The following VAV3 variants were observed in gnomAD, a reference collection of about 807,000 sequenced individuals.
The protein encoded by VAV3 is guanine nucleotide exchange factor VAV3.
VAV3 carries 94 observed loss-of-function variants against 131.2 expected under a neutral mutation model. That is an observed-to-expected ratio of 0.72 (90% CI 0.61 to 0.85). The LOEUF is 0.85. Ranked by LOEUF, VAV3 falls within the 40% of genes least tolerant of loss-of-function variation. The pLI, the probability that VAV3 is intolerant of heterozygous loss-of-function variation, is 0.00. For missense variants in VAV3, 939 were observed against 1,002.7 expected, an observed-to-expected ratio of 0.94 and a Z score of 0.86; for synonymous variants, 349 against 342.0, an observed-to-expected ratio of 1.02 and a Z score of -0.22.
intron 15 of VAV3, among the ~76,000 whole-genome samples, chr1:107,714,822 A>G (rs1405376741): frequency 6.6e-6 from 1 of 152,158 alleles, no homozygotes; most frequent in African/African-American, 2.4e-5. Flanking sequence ...AAATACTTTC[A>G]AAATACTGAT....
At chr1:107,789,193 C>T (rs1265562950) in intron 2 of VAV3, among the ~76,000 whole-genome samples, 1 of 152,200 alleles carries the variant, frequency 6.6e-6, no homozygotes, top group East Asian at 1.9e-4. Context: ...GAGCTGCCCA[C>T]AATCACACAG....
intron 20 of VAV3, among the ~76,000 whole-genome samples, chr1:107,621,571 G>T (rs1653609267): frequency 6.6e-6 from 1 of 152,060 alleles, no homozygotes. Context: ...CAATGATTTA[G>T]TGCACTTTAT....
At chr1:107,766,687 C>A in intron 7 of VAV3, 137 bp from the exon 8 acceptor site, 1 of 661,942 alleles carries the variant, frequency 1.5e-6, no homozygotes, top group East Asian at 2.8e-5. Context: ...CTGCTTCCAC[C>A]AATAAAGAGA....
chr1:107,752,658 C>T (rs1416123880), intron 12 of VAV3, among the ~76,000 whole-genome samples: 1 of 152,116 alleles, frequency 6.6e-6, no homozygotes, highest in East Asian at 1.9e-4. Flanking sequence ...AGGCATTTTT[C>T]CAAAGAGAAT....
At chr1:107,695,279 C>T (rs1032597792) in intron 17 of VAV3, among the ~76,000 whole-genome samples, 1 of 152,022 alleles carries the variant, frequency 6.6e-6, no homozygotes, top group African/African-American at 2.4e-5. Flanking sequence ...AGAATGAAAC[C>T]ATCAGACGGA....
intron 19 of VAV3, among the ~76,000 whole-genome samples, chr1:107,650,045 G>T (rs1656038290): frequency 6.6e-6 from 1 of 152,108 alleles, no homozygotes; most frequent in Admixed American, 6.6e-5. Flanking sequence ...GTTAAGACCT[G>T]AGGAGAAGAC....
At chr1:107,664,321 C>T (rs1657253178) in intron 19 of VAV3, among the ~76,000 whole-genome samples, 1 of 134,114 alleles carries the variant, frequency 7.5e-6, no homozygotes, top group African/African-American at 3.1e-5. Flanking sequence ...GCTTCCATTA[C>T]CTATTATTCC....
At chr1:107,735,224 T>C (rs1051365721) in intron 15 of VAV3, among the ~76,000 whole-genome samples, 9 of 152,154 alleles carry the variant, frequency 5.9e-5, no homozygotes, top group Non-Finnish European at 1.2e-4. Context: ...AGAGGGAAAT[T>C]TATAGCACTA....
chr1:107,833,436 T>C (rs1668342131), intron 2 of VAV3, among the ~76,000 whole-genome samples: 1 of 152,242 alleles, frequency 6.6e-6, no homozygotes, highest in Non-Finnish European at 1.5e-5. Flanking sequence ...GTCATCTTCA[T>C]AACATAATTT....
intron 10 of VAV3, among the ~76,000 whole-genome samples, 189 bp downstream of exon 10, chr1:107,760,595 G>A (rs1344750568): frequency 1.3e-5 from 2 of 152,158 alleles, no homozygotes; most frequent in East Asian, 3.8e-4. Context: ...GGCAGCTACT[G>A]ACCATCTCTG....
chr1:107,871,900 C>T (rs958649538), intron 2 of VAV3, among the ~76,000 whole-genome samples: 1 of 152,132 alleles, frequency 6.6e-6, no homozygotes, highest in African/African-American at 2.4e-5. Flanking sequence ...AATCACATGC[C>T]TATTTAGAGT....
intron 2 of VAV3, among the ~76,000 whole-genome samples, chr1:107,819,506 CAAAAAAAA>C (rs113258345): frequency 1.6e-5 from 2 of 122,770 alleles, no homozygotes; most frequent in East Asian, 4.5e-4. Flanking sequence ...GACTCTGTCT[CAAAAAAAA>C]AAAAAAATTC....
chr1:107,630,175 C>T (rs951782873), intron 20 of VAV3, among the ~76,000 whole-genome samples: 1 of 152,144 alleles, frequency 6.6e-6, no homozygotes, highest in Non-Finnish European at 1.5e-5. Flanking sequence ...AAACCAGGTG[C>T]ATTACCTATC....
rs554160534 is a variant in VAV3 at position 107,799,315 on chromosome 1, A to G, written c.322-19823T>C. Among the ~76,000 whole-genome samples the G allele has an allele frequency of 2.0e-5, 3 of 151,948 alleles. No homozygotes were observed. In the East Asian group the frequency reaches 5.8e-4, roughly 29 times the overall value. Reference sequence around the variant, plus strand: ...CTGTTTTTAGTGTTCACCTATCAAAAAAAAAAAAAAGACACCAGGTTCTAT... The same window carrying G: ...CTGTTTTTAGTGTTCACCTATCAAAGAAAAAAAAAAGACACCAGGTTCTAT... On this transcript the variant is annotated intron_variant, in intron 2 of 26. Transcript: ENST00000370056.
At chr1:107,757,642 T>A (rs138611523) in intron 10 of VAV3, among the ~76,000 whole-genome samples, 160 of 152,348 alleles carry the variant, frequency 1.1e-3, no homozygotes, top group African/African-American at 3.8e-3. Context: ...CACTTTTTAC[T>A]CATTTATTAT....
intron 15 of VAV3, among the ~76,000 whole-genome samples, chr1:107,741,263 A>G (rs1360193770): frequency 6.6e-6 from 1 of 152,236 alleles, no homozygotes; most frequent in African/African-American, 2.4e-5. Context: ...ATTAACAACA[A>G]AGACCAATTT....
intron 2 of VAV3, among the ~76,000 whole-genome samples, chr1:107,863,760 T>C (rs950150534): frequency 2.6e-5 from 4 of 152,210 alleles, no homozygotes; most frequent in Non-Finnish European, 5.9e-5. Flanking sequence ...TTTAAAAAAC[T>C]ACCCGAAAGA....
intron 15 of VAV3, among the ~76,000 whole-genome samples, chr1:107,747,129 C>T (rs921634908): frequency 6.6e-6 from 1 of 152,170 alleles, no homozygotes; most frequent in African/African-American, 2.4e-5. Context: ...AATTGCCCAC[C>T]TCAGCCTCCC....
chr1:107,718,844 G>A (rs565294917), intron 15 of VAV3, among the ~76,000 whole-genome samples: 3 of 152,228 alleles, frequency 2.0e-5, no homozygotes, highest in Non-Finnish European at 4.4e-5. Context: ...GCATGGTACT[G>A]GTACCAAAAC....
Sources: gnomAD v4.1 joint callset for allele counts (sites outside exome capture counted in the v4.1 genomes callset) on GRCh38, gnomAD v4.1.1 for gene constraint, MANE v1.5 for transcripts, NCBI Gene and HGNC (gene_info 2026-07-23, HGNC 2026-07-21) for gene names.